Variants in DESI1 observed in about 807,000 individuals in gnomAD.
DESI1 encodes the protein desumoylating isopeptidase 1, also known as PPPDE peptidase domain containing 2.
DESI1 carries 17 observed loss-of-function variants against 22.4 expected under a neutral mutation model. The ratio of observed to expected loss-of-function variants is 0.76; its 90% CI spans 0.52 to 1.14. The LOEUF is 1.14. Ranked by LOEUF, DESI1 falls within the 50% of genes most tolerant of loss-of-function variation. DESI1 has a pLI of 0.00. For missense variants in DESI1, 177 were observed against 208.9 expected, an observed-to-expected ratio of 0.85 and a Z score of 0.94; for synonymous variants, 92 against 84.2, an observed-to-expected ratio of 1.09 and a Z score of -0.51.
At chr22:41,613,138 C>T (rs2067528241) in intron 1 of DESI1, among the ~76,000 whole-genome samples, 1 of 152,098 alleles carries the variant, frequency 6.6e-6, no homozygotes, top group South Asian at 2.1e-4. Context: ...GTTCCACTAA[C>T]CACATTTTAG....
intron 1 of DESI1, among the ~76,000 whole-genome samples, chr22:41,612,712 CAGCT>C (rs2067525470): frequency 6.6e-6 from 1 of 150,962 alleles, no homozygotes; most frequent in Non-Finnish European, 1.5e-5. Context: ...CCTCCCACTT[CAGCT>C]TCCCAGTTGC....
At position 41,607,309 on chromosome 22, in the gene DESI1, T is replaced by C. The variant is rs1470531317; in HGVS notation, c.133A>G (p.Lys45Glu). 2 of 1,612,576 alleles carry C rather than the reference T, an allele frequency of 1.2e-6. No individual in the cohort carries two copies. Among genetic ancestry groups the C allele is most frequent in the Non-Finnish European group, 1.7e-6 (2 of 1,179,382 alleles). Reference sequence around the variant, plus strand: ...CCACTGCCGAAGAAGAACTCATCCTTGTGCACAACTATGGATGTGTGCCTG... The same window carrying C: ...CCACTGCCGAAGAAGAACTCATCCTCGTGCACAACTATGGATGTGTGCCTG... ...GIWHTSIVVH[K>E]DEFFFGSGGI... The change falls in exon 3 of 6, where the codon AAG becomes GAG. Residue 45 changes from lysine (K) to glutamate (E), a missense_variant. Physicochemically the swap from Lys to Glu is moderately conservative, Grantham distance 56. Coordinates refer to ENST00000263256, the MANE Select transcript of DESI1 (RefSeq NM_015704.3).
chr22:41,601,179 T>C lies in DESI1; in HGVS notation c.425A>G (p.Gln142Arg). 6.2e-7 allele frequency: 1 copy of C among 1,610,250 alleles called. No individual in the cohort carries two copies. Among genetic ancestry groups the C allele is most frequent in the Non-Finnish European group, 8.5e-7 (1 of 1,178,556 alleles). ...PSEVLSTPFG[Q>R]ALRPLLDSIQ... ...GGAGTCCAGGAGGGGCCGAAGTGCC[T>C]GTCCAAAGGGCCTGCAAGGAAACAG... Residue 142 changes from glutamine (Q) to arginine (R), a missense_variant, in exon 6 of 6, where the codon CAG becomes CGG. Gln to Arg is a conservative substitution (Grantham distance 43). Coordinates refer to ENST00000263256, the MANE Select transcript of DESI1 (RefSeq NM_015704.3).
At chr22:41,610,637 C>A (rs1569068975) in intron 1 of DESI1, among the ~76,000 whole-genome samples, 1 of 151,758 alleles carries the variant, frequency 6.6e-6, no homozygotes, top group Non-Finnish European at 1.5e-5. Context: ...CACAAGTGGG[C>A]CGGGCGTGGT....
At chr22:41,616,836 G>C (rs562716790) in intron 1 of DESI1, among the ~76,000 whole-genome samples, 1 of 152,120 alleles carries the variant, frequency 6.6e-6, no homozygotes, top group African/African-American at 2.4e-5. Context: ...CTAAAACTAC[G>C]GAATTTACAT....
At chr22:41,609,351 T>A (rs2067502768) in intron 1 of DESI1, among the ~76,000 whole-genome samples, 1 of 152,214 alleles carries the variant, frequency 6.6e-6, no homozygotes, top group African/African-American at 2.4e-5. Context: ...TAAGTCTGTT[T>A]CTCCAGTTCA....
rs2067466278 is a variant in DESI1 at position 41,604,252 on chromosome 22, T to G, written c.181-99A>C. The stretch of plus-strand genomic sequence containing the variant: ...AGACCACAAACACTCTGTTCTGACT[T>G]TTTTTTTTTTTTTTTTTTTTTAGAC... On this transcript the variant is annotated intron_variant, in intron 3 of 5. Coordinates refer to ENST00000263256, the MANE Select transcript of DESI1 (RefSeq NM_015704.3). 14 of 173,228 alleles carry G rather than the reference T, an allele frequency of 8.1e-5. No homozygotes were observed. The African/African-American group carries it at 8.5e-4, about 11-fold the overall frequency. 10.7% of individuals were successfully genotyped at this position (173,228 alleles called of 1,614,324 possible). A position where few individuals can be genotyped will look rare whatever the true frequency, so the allele number is the denominator to read the frequency against.
chr22:41,621,037 CAGAG>C lies in DESI1; in HGVS notation c.-202_-199del, dbSNP rs1490630217. ...ACCGGCAACGACTACTGTGAGGTGA[CAGAG>C]AGGGGACAGGGAGGGCCCACACGGA... On this transcript the variant is annotated 5_prime_UTR_variant, in exon 1 of 6. Transcript: ENST00000263256. 5.0e-6 allele frequency: 3 copies of C among 595,770 alleles called. No individual in the cohort carries two copies. The highest frequency in any genetic ancestry group is 5.8e-6 in the Non-Finnish European group (2 of 342,746). The allele number at this position is 595,770 out of a possible 1,614,324, so 36.9% of individuals were successfully genotyped here. A position where few individuals can be genotyped will look rare whatever the true frequency, so the allele number is the denominator to read the frequency against.
rs2067464858 is a variant in DESI1, at chr22:41,604,075, A to T, written c.259T>A (p.Tyr87Asn). The change falls in exon 4 of 6, where the codon TAC becomes AAC. Residue 87 changes from tyrosine to asparagine, a missense_variant. Tyr to Asn is a moderately radical substitution (Grantham distance 143, BLOSUM62 -2). Coordinates refer to ENST00000263256, the MANE Select transcript of DESI1 (RefSeq NM_015704.3). ...AGGGACTCCCCCAGGGAGGAGAGGTACTCCAGAAAGATTTCTTCTGTGACT... is the reference window on the plus strand; with the variant it reads ...AGGGACTCCCCCAGGGAGGAGAGGTTCTCCAGAAAGATTTCTTCTGTGACT... The part of the protein sequence containing the change: ...TEVTEEIFLE[Y>N]LSSLGESLFR... 1 of 1,613,812 alleles carries T rather than the reference A, an allele frequency of 6.2e-7. No homozygotes were observed. Among genetic ancestry groups the T allele is most frequent in the Non-Finnish European group, 8.5e-7 (1 of 1,179,976 alleles).
rs1216235442 is a variant in DESI1, at chr22:41,600,252, AC to A, written c.*844del. 5.9e-5 allele frequency: 9 copies of A among 151,914 alleles called. No individual in the cohort carries two copies. Among genetic ancestry groups the A allele is most frequent in the African/African-American group, 2.2e-4 (9 of 41,450 alleles). The allele number at this position is 151,914 out of a possible 1,614,324, so 9.4% of individuals were successfully genotyped here. On this transcript the variant is annotated 3_prime_UTR_variant, in exon 6 of 6. Transcript: ENST00000263256. ...CCCATCCCTTGGTCCCCAGCTAAAT[AC>A]TGCGTACTGGCCTGGATGGTGGTTA...
At chr22:41,612,414 C>G in intron 1 of DESI1, among the ~76,000 whole-genome samples, 1 of 150,376 alleles carries the variant, frequency 6.6e-6, no homozygotes, top group Non-Finnish European at 1.5e-5. Context: ...GAGGCTGAGA[C>G]AGAAGAATCA....
At chr22:41,615,664 A>G (rs1180423844) in intron 1 of DESI1, among the ~76,000 whole-genome samples, 1 of 152,194 alleles carries the variant, frequency 6.6e-6, no homozygotes, top group African/African-American at 2.4e-5. Flanking sequence ...TCAAGTCTCA[A>G]TCATTTCTAT....
At chr22:41,601,787 C>G (rs1164645211) in intron 5 of DESI1, among the ~76,000 whole-genome samples, 1 of 152,154 alleles carries the variant, frequency 6.6e-6, no homozygotes, top group Non-Finnish European at 1.5e-5. Context: ...GATCTCGGCT[C>G]ACTGCAACCT....
chr22:41,599,263 C>T lies in DESI1; in HGVS notation c.*1834G>A, dbSNP rs936541847. The stretch of plus-strand genomic sequence containing the variant: ...GCCCAAGGATGTCAGACCTGAGACT[C>T]GGGTACCTGGCAGCTCTGAGTCCCT... On this transcript the variant is annotated 3_prime_UTR_variant, in exon 6 of 6. Transcript: ENST00000263256. The T allele has an allele frequency of 3.9e-5, 6 of 152,140 alleles. No homozygotes were observed. Among genetic ancestry groups the T allele is most frequent in the Non-Finnish European group, 7.3e-5 (5 of 68,038 alleles). 9.4% of individuals were successfully genotyped at this position (152,140 alleles called of 1,614,324 possible).
intron 1 of DESI1, among the ~76,000 whole-genome samples, chr22:41,614,590 C>CT (rs10523372): frequency 1.5e-4 from 13 of 85,724 alleles, no homozygotes; most frequent in Non-Finnish European, 1.3e-4. Context: ...GGCCTACATC[C>CT]TTTTTTTTTT....
intron 1 of DESI1, among the ~76,000 whole-genome samples, chr22:41,612,562 G>C (rs1470874301): frequency 2.6e-5 from 4 of 151,316 alleles, no homozygotes; most frequent in Non-Finnish European, 4.4e-5. Flanking sequence ...GATGATCAGG[G>C]TGGGCCTCTT....
intron 3 of DESI1, among the ~76,000 whole-genome samples, chr22:41,605,636 A>G (rs1340425184): frequency 1.3e-5 from 2 of 152,182 alleles, no homozygotes; most frequent in African/African-American, 4.8e-5. Flanking sequence ...ACAACTATGG[A>G]TTGAGAACTT....
At position 41,620,934 on chromosome 22, in the gene DESI1, A is replaced by AG. The variant is rs895379291; in HGVS notation, c.-96dup. 12 of 913,174 alleles carry AG rather than the reference A, an allele frequency of 1.3e-5. No homozygotes were observed. The African/African-American group carries it at 1.4e-4, about 11-fold the overall frequency. 56.6% of individuals were successfully genotyped at this position (913,174 alleles called of 1,614,324 possible). A position where few individuals can be genotyped will look rare whatever the true frequency, so the allele number is the denominator to read the frequency against. ...CGACGGGAGTGCGAAGCGGAGGGAGAGGGGGGGACCGAGCCCGGGCCCGGG... is the reference window on the plus strand; with the variant it reads ...CGACGGGAGTGCGAAGCGGAGGGAGAGGGGGGGGACCGAGCCCGGGCCCGGG... On this transcript the variant is annotated 5_prime_UTR_variant, in exon 1 of 6. Coordinates refer to ENST00000263256, the MANE Select transcript of DESI1 (RefSeq NM_015704.3).
chr22:41,613,133 A>G (rs1028169660), intron 1 of DESI1, among the ~76,000 whole-genome samples: 3 of 152,200 alleles, frequency 2.0e-5, no homozygotes, highest in African/African-American at 7.2e-5. Context: ...CCTCAGTTCC[A>G]CTAACCACAT....
Sources: gnomAD v4.1 joint callset for allele counts (sites outside exome capture counted in the v4.1 genomes callset) on GRCh38, gnomAD v4.1.1 for gene constraint, MANE v1.5 for transcripts, NCBI Gene and HGNC (gene_info 2026-07-23, HGNC 2026-07-21) for gene names.